Variants in CYSLTR1 observed in about 807,000 individuals in gnomAD.
The protein encoded by CYSLTR1 is cysteinyl leukotriene receptor 1, also known as G-protein coupled receptor HG55.
CYSLTR1 carries 1 observed loss-of-function variant against 2.1 expected under a neutral mutation model. The observed-to-expected ratio is 0.48, with a 90% CI of 0.17 to 2.28. The LOEUF (loss-of-function observed/expected upper bound fraction) is 2.28, where lower values mean the gene tolerates loss of function less well. CYSLTR1 is among the 30% of genes most tolerant of loss of function. CYSLTR1 has a pLI of 0.26. For missense variants in CYSLTR1, 299 were observed against 250.1 expected (o/e 1.20, Z -1.32); for synonymous variants, 110 against 89.6 (o/e 1.23, Z -1.28).
chrX:78,286,381 G>A (rs1481975111), intron 1 of CYSLTR1, among the ~76,000 whole-genome samples: 1 of 111,887 alleles, frequency 8.9e-6, no homozygotes. Context: ...TTCAAGTTTT[G>A]ACTATTACAG....
intron 1 of CYSLTR1, among the ~76,000 whole-genome samples, chrX:78,308,738 T>C (rs1166845409): frequency 1.8e-5 from 2 of 112,073 alleles, no homozygotes; most frequent in African/African-American, 6.5e-5. Context: ...CTTGGCTTAG[T>C]GCTTCTTAAC....
chrX:78,295,422 C>A (rs1419984662), intron 1 of CYSLTR1, among the ~76,000 whole-genome samples: 1 of 104,644 alleles, frequency 9.6e-6, no homozygotes, highest in African/African-American at 3.5e-5. Flanking sequence ...AGTGGGAGTG[C>A]CAGATCATAT....
intron 2 of CYSLTR1, among the ~76,000 whole-genome samples, chrX:78,278,335 C>T (rs959750406): frequency 4.5e-5 from 5 of 111,682 alleles, no homozygotes; most frequent in African/African-American, 9.8e-5. Context: ...GAGCAAGCAA[C>T]ATGGAAAACA....
chrX:78,302,558 C>T (rs1347188687), intron 1 of CYSLTR1, among the ~76,000 whole-genome samples: 1 of 111,409 alleles, frequency 9.0e-6, no homozygotes, highest in Non-Finnish European at 1.9e-5. Flanking sequence ...CTCAGAGTGT[C>T]ACCAAAGGCC....
At chrX:78,296,051 A>G (rs1922560452) in intron 1 of CYSLTR1, among the ~76,000 whole-genome samples, 1 of 111,409 alleles carries the variant, frequency 9.0e-6, no homozygotes, top group Admixed American at 9.6e-5. Flanking sequence ...TAAGTCTTTA[A>G]TCCATTTTGA....
chrX:78,301,603 T>C (rs1030007165), intron 1 of CYSLTR1, among the ~76,000 whole-genome samples: 1 of 112,106 alleles, frequency 8.9e-6, no homozygotes, highest in Admixed American at 9.4e-5. Context: ...ATTGTCCATA[T>C]TATTATCAGC....
At chrX:78,315,160 C>A (rs185187450) in intron 1 of CYSLTR1, among the ~76,000 whole-genome samples, 69 of 108,358 alleles carry the variant, frequency 6.4e-4, no homozygotes, top group African/African-American at 2.2e-3. Flanking sequence ...TCTAGACATA[C>A]TCTGAAGGGA....
intron 2 of CYSLTR1, 36 bp from the exon 3 acceptor site, chrX:78,273,809 G>T: frequency 9.4e-7 from 1 of 1,062,429 alleles, no homozygotes. Flanking sequence ...ATTTTAACTA[G>T]ACCATAAATT....
chrX:78,282,994 A>T (rs780895207), intron 2 of CYSLTR1, among the ~76,000 whole-genome samples: 3 of 112,503 alleles, frequency 2.7e-5, no homozygotes, highest in Non-Finnish European at 5.6e-5. Flanking sequence ...AATTTGTATT[A>T]AGCCATAAAA....
chrX:78,286,625 C>G (rs1922083403), intron 1 of CYSLTR1, among the ~76,000 whole-genome samples: 1 of 107,700 alleles, frequency 9.3e-6, no homozygotes, highest in African/African-American at 3.4e-5. Context: ...TTAGGTATAT[C>G]TCCTAATGCT....
At chrX:78,312,632 T>C (rs778060886) in intron 1 of CYSLTR1, among the ~76,000 whole-genome samples, 7 of 111,302 alleles carry the variant, frequency 6.3e-5, no homozygotes, top group South Asian at 3.7e-4. Flanking sequence ...AAGCACAAAA[T>C]AATCCAATTT....
intron 1 of CYSLTR1, among the ~76,000 whole-genome samples, chrX:78,325,344 C>T (rs1923829392): frequency 9.0e-6 from 1 of 111,691 alleles, no homozygotes; most frequent in Non-Finnish European, 1.9e-5. Flanking sequence ...ACTGTCTCCC[C>T]ATGCAGTCAG....
At chrX:78,284,318 G>C (rs1921962952) in intron 1 of CYSLTR1, among the ~76,000 whole-genome samples, 2 of 112,060 alleles carry the variant, frequency 1.8e-5, no homozygotes, top group Admixed American at 1.9e-4. Context: ...CCAGAGGCTA[G>C]CTACTATTCC....
At chrX:78,316,918 C>T (rs1199251157) in intron 1 of CYSLTR1, among the ~76,000 whole-genome samples, 2 of 111,394 alleles carry the variant, frequency 1.8e-5, no homozygotes, top group Non-Finnish European at 3.8e-5. Context: ...TTCTAGATGT[C>T]GGCTAAGGCA....
chrX:78,322,309 C>A (rs963678315), intron 1 of CYSLTR1, among the ~76,000 whole-genome samples: 4 of 112,103 alleles, frequency 3.6e-5, no homozygotes, highest in African/African-American at 1.3e-4. Context: ...TTTGTTGAAT[C>A]AATATCTGAA....
chrX:78,274,826 T>C (rs1361286465), intron 2 of CYSLTR1, among the ~76,000 whole-genome samples: 3 of 110,781 alleles, frequency 2.7e-5, no homozygotes, highest in Admixed American at 9.7e-5. Flanking sequence ...TGCAATCTAC[T>C]CATCTGACAA....
chrX:78,281,371 A>C (rs907331726), intron 2 of CYSLTR1, among the ~76,000 whole-genome samples: 9 of 109,629 alleles, frequency 8.2e-5, no homozygotes, highest in African/African-American at 3.0e-4. Flanking sequence ...GGTTCAAGCT[A>C]TTCTCCCACC....
intron 1 of CYSLTR1, among the ~76,000 whole-genome samples, chrX:78,311,847 G>A (rs1228445165): frequency 9.0e-5 from 10 of 111,489 alleles, no homozygotes; most frequent in Admixed American, 8.6e-4. Context: ...ACAAATAAAT[G>A]GAAAAATATT....
chrX:78,274,542 C>G (rs1245825755), intron 2 of CYSLTR1, among the ~76,000 whole-genome samples: 1 of 111,717 alleles, frequency 9.0e-6, no homozygotes, highest in Non-Finnish European at 1.9e-5. Flanking sequence ...ATAGCTGAAA[C>G]TGGATCCCTT....
Sources: gnomAD v4.1 joint callset for allele counts (sites outside exome capture counted in the v4.1 genomes callset) on GRCh38, gnomAD v4.1.1 for gene constraint, MANE v1.5 for transcripts, NCBI Gene and HGNC (gene_info 2026-07-23, HGNC 2026-07-21) for gene names.